The following ATF6B variants were observed in gnomAD, a reference collection of about 807,000 sequenced individuals.
The protein encoded by ATF6B is cyclic AMP-dependent transcription factor ATF-6 beta.
A neutral mutation model predicts 83.5 loss-of-function variants in ATF6B; 50 were observed. That is an observed-to-expected ratio of 0.60 (90% CI 0.48 to 0.76). ATF6B has a LOEUF of 0.76. ATF6B is among the 30% of genes least tolerant of loss of function. The probability of loss-of-function intolerance (pLI) is 0.00; values close to 1 mark genes in which losing one functional copy is unlikely to be tolerated. For synonymous variants in ATF6B, 344 were observed against 362.8 expected, an observed-to-expected ratio of 0.95 and a Z score of 0.59; for missense variants, 790 against 893.8, an observed-to-expected ratio of 0.88 and a Z score of 1.48.
At chr6:32,126,325 C>T in intron 4 of ATF6B, 73 bp from the exon 5 acceptor site, 12 of 1,547,006 alleles carry the variant, frequency 7.8e-6, no homozygotes, top group South Asian at 7.2e-5. Context: ...ACAGTAAGAG[C>T]GAGAACAAAA....
At chr6:32,120,004 C>A in intron 8 of ATF6B, 47 bp from the exon 9 acceptor site, 1 of 1,581,630 alleles carries the variant, frequency 6.3e-7, no homozygotes, top group South Asian at 1.1e-5. Flanking sequence ...TGGGTGGGGT[C>A]CTTGTGTCCA....
At chr6:32,124,200 T>TAAC (rs140408197) in intron 5 of ATF6B, among the ~76,000 whole-genome samples, 7 of 152,052 alleles carry the variant, frequency 4.6e-5, no homozygotes, top group East Asian at 1.9e-4. Flanking sequence ...TGAAGCTCCA[T>TAAC]AACAACAACA....
In ATF6B at chr6:32,125,542, A is replaced by G. The variant is rs917988813; in HGVS notation, c.478+575T>C. Reference sequence around the variant, plus strand: ...TTTGGGAGGCGGAGGTAGGCGACTCATGAGGTCAGGAGTTCAAGACCAGCC... The same window carrying G: ...TTTGGGAGGCGGAGGTAGGCGACTCGTGAGGTCAGGAGTTCAAGACCAGCC... On this transcript the variant is annotated intron_variant, in intron 5 of 17. Coordinates refer to ENST00000375203, the MANE Select transcript of ATF6B (RefSeq NM_004381.5). This position sits in a 1 kb window ranked among gnomAD's most constrained non-coding sequence, Gnocchi z 4.1. 1.3e-5 allele frequency among the ~76,000 whole-genome samples: 2 copies of G among 152,144 alleles called. No homozygotes were observed. Among genetic ancestry groups the G allele is most frequent in the Non-Finnish European group, 2.9e-5 (2 of 68,042 alleles).
chr6:32,124,164 T>C (rs1011852879), intron 5 of ATF6B, among the ~76,000 whole-genome samples: 9 of 151,986 alleles, frequency 5.9e-5, no homozygotes, highest in Admixed American at 1.3e-4. Context: ...CACACCACTA[T>C]TGCACTCCAG....
intron 5 of ATF6B, among the ~76,000 whole-genome samples, chr6:32,122,797 C>G (rs111687518): frequency 6.8e-6 from 1 of 147,324 alleles, no homozygotes; most frequent in South Asian, 2.1e-4. Context: ...TGCAGTGAGC[C>G]GAGATTGCGC....
chr6:32,123,750 A>C (rs1024390633), intron 5 of ATF6B, among the ~76,000 whole-genome samples: 1 of 151,980 alleles, frequency 6.6e-6, no homozygotes, highest in East Asian at 1.9e-4. Flanking sequence ...AATCTGCTAG[A>C]TATAATCTGT....
chr6:32,124,237 G>A (rs926088839), intron 5 of ATF6B, among the ~76,000 whole-genome samples: 3 of 152,110 alleles, frequency 2.0e-5, no homozygotes, highest in African/African-American at 4.8e-5. Flanking sequence ...GTCCAACGCT[G>A]AATTCATCAT....
In ATF6B at chr6:32,126,134, G is replaced by A. The variant is rs1473238092; in HGVS notation, c.461C>T (p.Thr154Ile). Residue 154 changes from threonine (T) to isoleucine (I), a missense_variant, in exon 5 of 18, where the codon ACC becomes ATC. By Grantham distance (89) the Thr-to-Ile change is moderately conservative. This residue lies in a region of ATF6B where 253 missense variants were observed against 243.1 expected (regional missense o/e 1.04). Coordinates refer to ENST00000375203, the MANE Select transcript of ATF6B (RefSeq NM_004381.5). ...FETVQINVIP[T>I]SDDSSDVQTK... The stretch of plus-strand genomic sequence containing the variant: ...TTTATTACCTGAGGAATCATCAGAG[G>A]TGGGGATAACGTTGATCTGGACGGT... 6.2e-7 allele frequency: 1 copy of A among 1,614,180 alleles called. No individual in the cohort carries two copies. The highest frequency in any genetic ancestry group is 8.5e-7 in the Non-Finnish European group (1 of 1,180,034).
chr6:32,118,791 T>G lies in ATF6B; in HGVS notation c.1228A>C (p.Asn410His), dbSNP rs770141168. The change falls in exon 11 of 18, where the codon AAC (asparagine) becomes CAC (histidine). Residue 410 changes from asparagine to histidine, a missense_variant. By Grantham distance (68) the Asn-to-His change is moderately conservative. Coordinates refer to ENST00000375203, the MANE Select transcript of ATF6B (RefSeq NM_004381.5). The surrounding 1 kb of genome is among the most constrained non-coding windows in gnomAD (Gnocchi z 5.2). ...IMVFLLFIAF[N>H]FGPVSISEPP... is the part of the protein sequence containing the mutation. The stretch of plus-strand genomic sequence containing the variant: ...AGGTCTCACCTGACAGGTCCAAAGT[T>G]GAAGGCAATGAAGAGAAGGAAGACC... The G allele has an allele frequency of 1.9e-6, 3 of 1,614,214 alleles. No individual in the cohort carries two copies. Among genetic ancestry groups the G allele is most frequent in the Non-Finnish European group, 8.5e-7 (1 of 1,180,036 alleles).
At chr6:32,127,049 G>T (rs1782008646) in intron 4 of ATF6B, 54 bp downstream of exon 4, 1 of 1,397,022 alleles carries the variant, frequency 7.2e-7, no homozygotes, top group Non-Finnish European at 9.7e-7. Flanking sequence ...CACGGGTGAA[G>T]GGAATGAAGC....
intron 8 of ATF6B, chr6:32,120,162 A>G (rs1218008250): frequency 2.2e-6 from 1 of 456,580 alleles, no homozygotes; most frequent in Non-Finnish European, 3.6e-6. Flanking sequence ...CAGTGGTGCG[A>G]TCTCGGCTCA....
At position 32,117,645 on chromosome 6, in the gene ATF6B, G is replaced by C. The variant is rs1301306340; in HGVS notation, c.1474C>G (p.Leu492Val). The change falls in exon 13 of 18, where the codon CTA (leucine) becomes GTA (valine). Residue 492 changes from leucine (L) to valine (V), a missense_variant. This residue lies in a region of ATF6B where 530 missense variants were observed against 632.6 expected (regional missense o/e 0.84). Transcript: ENST00000375203. The surrounding 1 kb of genome is among the most constrained non-coding windows in gnomAD (Gnocchi z 5.0). ...GGAKELLLRDLDQLFLSSDCR... is the reference protein window; with the variant it reads ...GGAKELLLRDVDQLFLSSDCR... The stretch of plus-strand genomic sequence containing the variant: ...TCAGAGGAGAGGAAGAGCTGGTCTA[G>C]GTCTCTTAGTAGTAGCTCCTTGGCG... 1 of 1,614,198 alleles carries C rather than the reference G, an allele frequency of 6.2e-7. No individual in the cohort carries two copies.
In ATF6B at chr6:32,126,257, G is replaced by T. The variant is rs1781976498; in HGVS notation, c.343-5C>A. ...CACCTCCCCTACCCCAAGAGCCTGG[G>T]TGAGAGTTGGTGTGGGGCAGGGGGC... On this transcript the variant is annotated splice_region_variant and splice_polypyrimidine_tract_variant and intron_variant, in intron 4 of 17. Transcript: ENST00000375203. 1 of 1,613,718 alleles carries T rather than the reference G, an allele frequency of 6.2e-7. No individual in the cohort carries two copies. The highest frequency in any genetic ancestry group is 1.3e-5 in the African/African-American group (1 of 75,032).
At chr6:32,127,020 A>C (rs994384983) in intron 4 of ATF6B, 83 bp downstream of exon 4, 3 of 1,248,898 alleles carry the variant, frequency 2.4e-6, no homozygotes, top group African/African-American at 3.0e-5. Context: ...CAAATCATTT[A>C]AATCATTTCT....
At position 32,115,568 on chromosome 6, in the gene ATF6B, A is replaced by G; in HGVS notation, c.*171T>C. 4 of 552,530 alleles carry G rather than the reference A, an allele frequency of 7.2e-6. No individual in the cohort carries two copies. Among genetic ancestry groups the G allele is most frequent in the Non-Finnish European group, 1.3e-5 (4 of 318,326 alleles). 34.2% of individuals were successfully genotyped at this position (552,530 alleles called of 1,614,324 possible). A position where few individuals can be genotyped will look rare whatever the true frequency, so the allele number is the denominator to read the frequency against. On this transcript the variant is annotated 3_prime_UTR_variant, in exon 18 of 18. Coordinates refer to ENST00000375203, the MANE Select transcript of ATF6B (RefSeq NM_004381.5). ...ATGAGAGGAGCCCTATATTCTGAAA[A>G]GGGATGAGAAGAGAGGTGAACACCC...
At position 32,117,625 on chromosome 6, in the gene ATF6B, G is replaced by A. The variant is rs1474678867; in HGVS notation, c.1494C>T (p.Ser498=). 1.2e-6 allele frequency: 2 copies of A among 1,614,116 alleles called. No individual in the cohort carries two copies. The highest frequency in any genetic ancestry group is 1.6e-4 in the Middle Eastern group (1 of 6,084). ...TGCGGTTGAAGTGCCGGCAATCAGA[G>A]GAGAGGAAGAGCTGGTCTAGGTCTC... ...LLRDLDQLFL[S]SDCRHFNRTE... Residue 498 remains serine, a synonymous_variant, in exon 13 of 18, where the codon TCC becomes TCT. Coordinates refer to ENST00000375203, the MANE Select transcript of ATF6B (RefSeq NM_004381.5). This position sits in a 1 kb window ranked among gnomAD's most constrained non-coding sequence, Gnocchi z 5.0.
chr6:32,116,754 C>T lies in ATF6B; in HGVS notation c.1747G>A (p.Asp583Asn), dbSNP rs182341643. ...HPDRSQPAFLDAIDRREDTFY... is the reference protein window; with the variant it reads ...HPDRSQPAFLNAIDRREDTFY... ...GTGTCTTCCCGTCGGTCAATTGCATCCAAGAATGCTGGCTGCGAACGGTCT... is the reference window on the plus strand; with the variant it reads ...GTGTCTTCCCGTCGGTCAATTGCATTCAAGAATGCTGGCTGCGAACGGTCT... The change falls in exon 16 of 18, where the codon GAT becomes AAT. Residue 583 changes from aspartate (D) to asparagine (N), a missense_variant. By Grantham distance (23) the Asp-to-Asn change is conservative (BLOSUM62 1). This residue lies in a region of ATF6B where 530 missense variants were observed against 632.6 expected (regional missense o/e 0.84). Transcript: ENST00000375203. This position sits in a 1 kb window ranked among gnomAD's most constrained non-coding sequence, Gnocchi z 5.1. The T allele has an allele frequency of 6.2e-7, 1 of 1,614,114 alleles. No individual in the cohort carries two copies. The highest frequency in any genetic ancestry group is 2.2e-5 in the East Asian group (1 of 44,884).
chr6:32,126,990 A>G (rs961517190), intron 4 of ATF6B, 113 bp downstream of exon 4: 15 of 903,730 alleles, frequency 1.7e-5, no homozygotes, highest in East Asian at 3.1e-5. Flanking sequence ...CACCTCACAC[A>G]CCTCATGACT....
Position 32,119,009 on chromosome 6 carries a change from G to A in ATF6B, c.1099C>T (p.Leu367Phe). ...LQAVLADNQQLRRENAALRRR... is the reference protein window; with the variant it reads ...LQAVLADNQQFRRENAALRRR... ...CGGAGGGCAGCATTCTCTCGGCGGA[G>A]CTGCTGGTTGTCAGCCAGTACTGCT... The change falls in exon 10 of 18, where the codon CTC becomes TTC. Residue 367 changes from leucine to phenylalanine, a missense_variant. Physicochemically the swap from Leu to Phe is conservative, Grantham distance 22 (BLOSUM62 0). Around this residue, in one of 3 missense-constraint regions of ATF6B, gnomAD observed 530 missense variants for 632.6 expected, o/e 0.84. Coordinates refer to ENST00000375203, the MANE Select transcript of ATF6B (RefSeq NM_004381.5). This position sits in a 1 kb window ranked among gnomAD's most constrained non-coding sequence, Gnocchi z 4.9. 1 of 1,614,166 alleles carries A rather than the reference G, an allele frequency of 6.2e-7. No homozygotes were observed. The highest frequency in any genetic ancestry group is 8.5e-7 in the Non-Finnish European group (1 of 1,180,012).
Sources: allele counts gnomAD v4.1 joint callset (sites outside exome capture counted in the v4.1 genomes callset), GRCh38; gene constraint gnomAD v4.1.1; regional missense constraint gnomAD v4.1.1; non-coding constraint Gnocchi (gnomAD v3.1); transcripts MANE v1.5; gene names NCBI Gene and HGNC (gene_info 2026-07-23, HGNC 2026-07-21).